The following DIS3L2 variants were observed in gnomAD, a reference collection of about 807,000 sequenced individuals.
DIS3L2 encodes the protein DIS3-like exonuclease 2.
In DIS3L2, 34 loss-of-function variants were observed where a neutral mutation model predicts 97.5. That is an observed-to-expected ratio of 0.35 (90% CI 0.27 to 0.46). DIS3L2 has a LOEUF of 0.46. Among genes scored for constraint, DIS3L2 ranks in the 20% least tolerant of loss-of-function variants. DIS3L2 has a pLI of 1.00. For missense variants in DIS3L2, 1,038 were observed against 1,146.0 expected (o/e 0.91, Z 1.36); for synonymous variants, 435 against 445.2 (o/e 0.98, Z 0.29).
At chr2:232,243,898 T>G (rs1419783685) in intron 11 of DIS3L2, among the ~76,000 whole-genome samples, 1 of 152,194 alleles carries the variant, frequency 6.6e-6, no homozygotes, top group African/African-American at 2.4e-5. Flanking sequence ...AAAAACCTTT[T>G]GGCCCCATGG....
chr2:232,337,500 A>G (rs1347904162), downstream of DIS3L2, among the ~76,000 whole-genome samples: 1 of 151,896 alleles, frequency 6.6e-6, no homozygotes, highest in Non-Finnish European at 1.5e-5. Context: ...GCTGCTGGTG[A>G]CACAGCCTGG....
intron 12 of DIS3L2, among the ~76,000 whole-genome samples, chr2:232,255,732 T>G (rs1693541526): frequency 1.3e-5 from 2 of 152,302 alleles, no homozygotes; most frequent in East Asian, 3.9e-4. Flanking sequence ...ATCCTCAGTT[T>G]GCGTCTCCTG....
At chr2:232,060,912 G>A (rs934694060) in intron 5 of DIS3L2, among the ~76,000 whole-genome samples, 14 of 151,948 alleles carry the variant, frequency 9.2e-5, no homozygotes, top group African/African-American at 1.7e-4. Flanking sequence ...AATTTTATTT[G>A]TAGCTATTAT....
chr2:232,299,698 T>A (rs1220241156), intron 13 of DIS3L2, among the ~76,000 whole-genome samples: 1 of 152,276 alleles, frequency 6.6e-6, no homozygotes, highest in African/African-American at 2.4e-5. Flanking sequence ...TGTGATCATT[T>A]GATTGCTGTC....
intron 10 of DIS3L2, among the ~76,000 whole-genome samples, chr2:232,212,027 A>T (rs1242996316): frequency 6.6e-6 from 1 of 152,180 alleles, no homozygotes; most frequent in Non-Finnish European, 1.5e-5. Flanking sequence ...CTGAGCCTCA[A>T]TATTTTCAAC....
chr2:231,996,576 C>T (rs1372434922), intron 1 of DIS3L2, among the ~76,000 whole-genome samples: 3 of 152,140 alleles, frequency 2.0e-5, no homozygotes, highest in Non-Finnish European at 4.4e-5. Flanking sequence ...GAGAATAGTG[C>T]ATTGAGAGAA....
intron 10 of DIS3L2, among the ~76,000 whole-genome samples, chr2:232,218,575 G>A (rs1692410956): frequency 6.6e-6 from 1 of 152,106 alleles, no homozygotes; most frequent in Non-Finnish European, 1.5e-5. Context: ...TCCTGGGAGG[G>A]AGAGCTGGAG....
Position 232,079,946 on chromosome 2 carries a change from C to T in DIS3L2, c.367-7541C>T, listed in dbSNP as rs556246374. Among the ~76,000 whole-genome samples, 9 of 152,200 alleles carry T rather than the reference C, an allele frequency of 5.9e-5. No homozygotes were observed. The South Asian group carries it at 8.3e-4, about 14-fold the overall frequency. On this transcript the variant is annotated intron_variant, in intron 5 of 20. Coordinates refer to ENST00000325385, the MANE Select transcript of DIS3L2 (RefSeq NM_152383.5). Reference sequence around the variant, plus strand: ...AATGTCTTGATAAGGCCTTGTAGCACGGCAATGGAAGGAGGTTGGAAAGCT... The same window carrying T: ...AATGTCTTGATAAGGCCTTGTAGCATGGCAATGGAAGGAGGTTGGAAAGCT...
intron 1 of DIS3L2, among the ~76,000 whole-genome samples, chr2:232,014,256 G>T (rs1694291221): frequency 6.6e-6 from 1 of 152,196 alleles, no homozygotes; most frequent in Non-Finnish European, 1.5e-5. Flanking sequence ...AAGAGTAGGG[G>T]AAGAGACGTC....
chr2:232,012,372 T>G (rs1013784378), intron 1 of DIS3L2, among the ~76,000 whole-genome samples: 1 of 152,216 alleles, frequency 6.6e-6, no homozygotes, highest in Non-Finnish European at 1.5e-5. Context: ...CAGATGCAGC[T>G]GATCTAGGGA....
intron 9 of DIS3L2, among the ~76,000 whole-genome samples, chr2:232,200,530 A>G (rs2106206354): frequency 6.6e-6 from 1 of 152,274 alleles, no homozygotes; most frequent in East Asian, 1.9e-4. Flanking sequence ...GGGAAAATTT[A>G]TGTATCAAAA....
At chr2:232,165,952 A>C (rs554327498) in intron 9 of DIS3L2, among the ~76,000 whole-genome samples, 1 of 152,178 alleles carries the variant, frequency 6.6e-6, no homozygotes, top group South Asian at 2.1e-4. Flanking sequence ...GTTAGTAGTT[A>C]TGGGGCCCAA....
At chr2:232,343,236 A>C in intron 13 of DIS3L2, 1 of 870,290 alleles carries the variant, frequency 1.1e-6, no homozygotes. Flanking sequence ...ATCTTTCTGA[A>C]GCTATGGAGC....
At chr2:232,207,511 C>T (rs940174669) in intron 9 of DIS3L2, among the ~76,000 whole-genome samples, 5 of 152,206 alleles carry the variant, frequency 3.3e-5, no homozygotes, top group Non-Finnish European at 4.4e-5. Context: ...TGCTTACAAC[C>T]TCTTTTATAT....
In DIS3L2 at chr2:232,305,482, T is replaced by G. The variant is rs115388700; in HGVS notation, c.1739+5363T>G. 4.1e-3 allele frequency among the ~76,000 whole-genome samples: 630 copies of G among 152,358 alleles called. 1 individual carries two copies. The highest frequency in any genetic ancestry group is 0.015 in the African/African-American group (613 of 41,582). On this transcript the variant is annotated intron_variant, in intron 14 of 20. Coordinates refer to ENST00000325385, the MANE Select transcript of DIS3L2 (RefSeq NM_152383.5). ...TTTTTGGTGTCCTAGTCTTCTGTTA[T>G]GATTTCTATTCTTTCTTTTATCTCC...
chr2:232,137,925 A>C (rs1441151084), intron 8 of DIS3L2, among the ~76,000 whole-genome samples: 1 of 152,180 alleles, frequency 6.6e-6, no homozygotes, highest in Non-Finnish European at 1.5e-5. Flanking sequence ...CCCGTTTCTC[A>C]CCATCAAATC....
intron 13 of DIS3L2, among the ~76,000 whole-genome samples, chr2:232,283,499 C>T (rs1434889710): frequency 6.6e-6 from 1 of 152,178 alleles, no homozygotes; most frequent in African/African-American, 2.4e-5. Context: ...TCAGGCAGTC[C>T]TTCTGCCTCT....
intron 1 of DIS3L2, among the ~76,000 whole-genome samples, chr2:232,002,896 A>G (rs1693950007): frequency 6.6e-6 from 1 of 152,176 alleles, no homozygotes. Flanking sequence ...ATAAAAGGAA[A>G]CATACCATAG....
At position 232,015,633 on chromosome 2, in the gene DIS3L2, G is replaced by C. The variant is rs1000963300; in HGVS notation, c.172G>C (p.Asp58His). ...SIFETYMSKE[D>H]VSEGLKRGTL... ...ATTTGAAACTTACATGTCCAAGGAG[G>C]ATGTTTCAGAAGGCTTGAAGAGAGG... is the stretch of plus-strand genomic sequence containing the variant. Residue 58 changes from aspartate to histidine, a missense_variant, in exon 3 of 21, where the codon GAT becomes CAT. This residue lies in a region of DIS3L2 where 813 missense variants were observed against 880.1 expected (regional missense o/e 0.92). Coordinates refer to ENST00000325385, the MANE Select transcript of DIS3L2 (RefSeq NM_152383.5). 1.6e-5 allele frequency: 26 copies of C among 1,613,812 alleles called. No individual in the cohort carries two copies. The African/African-American group carries it at 2.7e-4, about 17-fold the overall frequency.
Sources: allele counts gnomAD v4.1 joint callset (sites outside exome capture counted in the v4.1 genomes callset), GRCh38; gene constraint gnomAD v4.1.1; regional missense constraint gnomAD v4.1.1; transcripts MANE v1.5; gene names NCBI Gene and HGNC (gene_info 2026-07-23, HGNC 2026-07-21).